The following SLC26A4 variants were observed in gnomAD, a reference collection of about 807,000 sequenced individuals.
SLC26A4 encodes the protein pendrin.
In SLC26A4, 93 loss-of-function variants were observed where a neutral mutation model predicts 90.4. That is an observed-to-expected ratio of 1.03 (90% CI 0.87 to 1.22). SLC26A4 has a LOEUF of 1.22. SLC26A4 is among the 50% of genes most tolerant of loss of function. SLC26A4 has a pLI of 0.00. For synonymous variants in SLC26A4, 393 were observed against 354.6 expected, an observed-to-expected ratio of 1.11 and a Z score of -1.22; for missense variants, 1,127 against 946.2, an observed-to-expected ratio of 1.19 and a Z score of -2.51.
In SLC26A4 at chr7:107,694,690, C is replaced by T. The variant is rs1224848656; in HGVS notation, c.1411C>T (p.Leu471=). ...TATGCAGCTGTGTGACATTCCTCGT[C>T]TGTGGAGACAGAATAAGATTGATGC... The part of the protein sequence containing the change: ...MFMQLCDIPR[L]WRQNKIDAVI... Residue 471 remains leucine, a synonymous_variant, in exon 12 of 21, where the codon CTG becomes TTG. Coordinates refer to ENST00000644269, the MANE Select transcript of SLC26A4 (RefSeq NM_000441.2). The T allele has an allele frequency of 6.2e-7, 1 of 1,612,754 alleles. No individual in the cohort carries two copies. Among genetic ancestry groups the T allele is most frequent in the Non-Finnish European group, 8.5e-7 (1 of 1,178,900 alleles).
intron 4 of SLC26A4, among the ~76,000 whole-genome samples, chr7:107,673,373 T>C (rs1790926537): frequency 6.6e-6 from 1 of 152,150 alleles, no homozygotes; most frequent in African/African-American, 2.4e-5. Context: ...AGAAACTTCA[T>C]ACTCCCTTTG....
Position 107,674,376 on chromosome 7 carries a change from T to C in SLC26A4, c.600+28T>C, listed in dbSNP as rs573144561. ...AATGAACTTACAAGTAAAATATAGA[T>C]GGATGTAATTTTTATTTGAAATTAA... On this transcript the variant is annotated intron_variant, in intron 5 of 20. Transcript: ENST00000644269. The C allele has an allele frequency of 2.4e-5, 35 of 1,478,058 alleles. No individual in the cohort carries two copies. In the Middle Eastern group the frequency reaches 8.8e-4, roughly 37 times the overall value. 91.6% of individuals were successfully genotyped at this position (1,478,058 alleles called of 1,614,324 possible).
At position 107,680,128 on chromosome 7, in the gene SLC26A4, T is replaced by C. The variant is rs1197168324; in HGVS notation, c.766-3074T>C. Among the ~76,000 whole-genome samples the C allele has an allele frequency of 3.3e-5, 4 of 121,720 alleles. No homozygotes were observed. In the East Asian group the frequency reaches 9.1e-4, roughly 28 times the overall value. 79.9% of individuals were successfully genotyped at this position (121,720 alleles called of 152,430 possible). ...CTTATTATATAATATAATCTTATCT[T>C]ATTATATAATATAATCTTATCTTAT... is the stretch of plus-strand genomic sequence containing the variant. On this transcript the variant is annotated intron_variant, in intron 6 of 20. Coordinates refer to ENST00000644269, the MANE Select transcript of SLC26A4 (RefSeq NM_000441.2).
chr7:107,710,447 G>A (rs1792151558), intron 19 of SLC26A4, among the ~76,000 whole-genome samples: 1 of 152,174 alleles, frequency 6.6e-6, no homozygotes, highest in South Asian at 2.1e-4. Context: ...GTTCTACAAT[G>A]TGTAGGTTTA....
chr7:107,669,395 C>G (rs1286412507), intron 3 of SLC26A4, among the ~76,000 whole-genome samples: 1 of 152,116 alleles, frequency 6.6e-6, no homozygotes, highest in Non-Finnish European at 1.5e-5. Context: ...TCCCCTTTTC[C>G]AGGCATATTA....
chr7:107,663,191 C>T, intron 2 of SLC26A4, 105 bp from the exon 3 acceptor site: 1 of 1,267,922 alleles, frequency 7.9e-7, no homozygotes, highest in Admixed American at 1.7e-5. Flanking sequence ...ATCCTTTTTC[C>T]AAATAGTTAT....
intron 10 of SLC26A4, among the ~76,000 whole-genome samples, chr7:107,691,664 T>C (rs1791583005): frequency 6.6e-6 from 1 of 152,090 alleles, no homozygotes; most frequent in South Asian, 2.1e-4. Flanking sequence ...CATGTGATGC[T>C]CCTTTCCTAT....
At chr7:107,674,041 C>T (rs145124941) in intron 4 of SLC26A4, 123 bp from the exon 5 acceptor site, 7 of 1,041,104 alleles carry the variant, frequency 6.7e-6, no homozygotes, top group African/African-American at 3.1e-5. Context: ...CAGCTTCTTT[C>T]GTGAACAAAC....
intron 14 of SLC26A4, 124 bp downstream of exon 14, chr7:107,698,235 A>C: frequency 1.4e-6 from 1 of 728,214 alleles, no homozygotes; most frequent in Non-Finnish European, 2.5e-6. Context: ...GTTAGTCCAC[A>C]GGGAGTGTCA....
chr7:107,672,024 T>C, intron 3 of SLC26A4, 114 bp from the exon 4 acceptor site: 2 of 729,736 alleles, frequency 2.7e-6, no homozygotes, highest in Non-Finnish European at 5.1e-6. Context: ...TGAATGCATA[T>C]TGCTTTTGCA....
rs1017014060 is a variant in SLC26A4, at chr7:107,716,655, T to C, written c.*1209T>C. On this transcript the variant is annotated 3_prime_UTR_variant, in exon 21 of 21. Transcript: ENST00000644269. Reference sequence around the variant, plus strand: ...ATTATATACAACACAGGCTTTGATCTTGGGGACTTTTCCCATATATTTCAC... The same window carrying C: ...ATTATATACAACACAGGCTTTGATCCTGGGGACTTTTCCCATATATTTCAC... 6.6e-6 allele frequency: 1 copy of C among 152,224 alleles called. No individual in the cohort carries two copies. The highest frequency in any genetic ancestry group is 6.5e-5 in the Admixed American group (1 of 15,290). 9.4% of individuals were successfully genotyped at this position (152,224 alleles called of 1,614,324 possible).
At position 107,715,470 on chromosome 7, in the gene SLC26A4, G is replaced by A. The variant is rs1792323297; in HGVS notation, c.*24G>A. The A allele has an allele frequency of 1.3e-6, 2 of 1,599,166 alleles. No individual in the cohort carries two copies. Among genetic ancestry groups the A allele is most frequent in the Non-Finnish European group, 1.7e-6 (2 of 1,166,336 alleles). On this transcript the variant is annotated 3_prime_UTR_variant, in exon 21 of 21. Coordinates refer to ENST00000644269, the MANE Select transcript of SLC26A4 (RefSeq NM_000441.2). ...GAAAGTGGGTTCGGGAGGTCTCTAT[G>A]AGCAAGGAATACAAGACAAAACTTC...
intron 13 of SLC26A4, among the ~76,000 whole-genome samples, chr7:107,696,554 C>T (rs1200693272): frequency 6.6e-6 from 1 of 152,174 alleles, no homozygotes; most frequent in African/African-American, 2.4e-5. Context: ...TAACCCAGAA[C>T]AGGAGGACTT....
chr7:107,672,248 G>T lies in SLC26A4; in HGVS notation c.415G>T (p.Gly139Ter). The T allele has an allele frequency of 6.4e-7, 1 of 1,552,732 alleles. No homozygotes were observed. The highest frequency in any genetic ancestry group is 8.9e-7 in the Non-Finnish European group (1 of 1,124,712). Residue 139 changes from glycine to a stop codon, truncating the protein, a stop_gained and splice_region_variant, in exon 4 of 21, where the codon GGA becomes TGA. Coordinates refer to ENST00000644269, the MANE Select transcript of SLC26A4 (RefSeq NM_000441.2). LOFTEE classifies it high-confidence loss of function. The part of the protein sequence containing the change: ...IFGTSRHISV[G>*]PFPVVSLMVG... ...TGGAACATCAAGACATATCTCAGTT[G>T]GTAATTATAAGTATATTTTACAATT... is the stretch of plus-strand genomic sequence containing the variant.
At chr7:107,699,661 G>A (rs980156706) in intron 14 of SLC26A4, among the ~76,000 whole-genome samples, 35 of 152,142 alleles carry the variant, frequency 2.3e-4, no homozygotes, top group African/African-American at 8.0e-4. Flanking sequence ...GGGCACGGTG[G>A]TTCACACCTG....
intron 8 of SLC26A4, among the ~76,000 whole-genome samples, chr7:107,685,732 C>T (rs1006654506): frequency 6.6e-6 from 1 of 152,216 alleles, no homozygotes; most frequent in Non-Finnish European, 1.5e-5. Context: ...AACCAGCAGA[C>T]ACTATGAGGG....
chr7:107,688,645 T>G (rs539936384), intron 8 of SLC26A4, among the ~76,000 whole-genome samples: 1 of 152,360 alleles, frequency 6.6e-6, no homozygotes, highest in East Asian at 1.9e-4. Flanking sequence ...TGATACCTCT[T>G]CAAACACAGT....
chr7:107,684,172 C>G (rs1330168634), intron 8 of SLC26A4, among the ~76,000 whole-genome samples: 1 of 152,090 alleles, frequency 6.6e-6, no homozygotes. Context: ...AGTGAGATCT[C>G]TCATGAAATG....
chr7:107,715,743 C>T lies in SLC26A4; in HGVS notation c.*297C>T. The T allele has an allele frequency of 2.1e-6, 1 of 474,962 alleles. No individual in the cohort carries two copies. Among genetic ancestry groups the T allele is most frequent in the Non-Finnish European group, 3.8e-6 (1 of 260,650 alleles). The allele number at this position is 474,962 out of a possible 1,614,324, so 29.4% of individuals were successfully genotyped here. The stretch of plus-strand genomic sequence containing the variant: ...TGTTCACGTGGGCCCTGGCATATCT[C>T]TGTTCAGTTAGAGTGAGTGCTGACC... On this transcript the variant is annotated 3_prime_UTR_variant, in exon 21 of 21. Coordinates refer to ENST00000644269, the MANE Select transcript of SLC26A4 (RefSeq NM_000441.2).
Sources: allele counts gnomAD v4.1 joint callset (sites outside exome capture counted in the v4.1 genomes callset), GRCh38; gene constraint gnomAD v4.1.1; transcripts MANE v1.5; gene names NCBI Gene and HGNC (gene_info 2026-07-23, HGNC 2026-07-21).